Variants in CEP63 observed in about 807,000 individuals in gnomAD.
The protein encoded by CEP63 is centrosomal protein of 63 kDa.
A neutral mutation model predicts 89.1 loss-of-function variants in CEP63; 84 were observed. The ratio of observed to expected loss-of-function variants is 0.94; its 90% CI spans 0.79 to 1.13. The LOEUF (loss-of-function observed/expected upper bound fraction) is 1.13. CEP63 is among the 50% of genes most tolerant of loss of function. The pLI is 0.00. For synonymous variants in CEP63, 267 were observed against 272.5 expected (o/e 0.98, Z 0.20); for missense variants, 838 against 813.3 (o/e 1.03, Z -0.37).
At chr3:134,683,760 G>A in the CEP63 span, among the ~76,000 whole-genome samples, 2 of 151,868 alleles carry the variant, frequency 1.3e-5, no homozygotes, top group African/African-American at 2.4e-5. Context: ...CACCAAAATG[G>A]CCCTAGCTGC....
rs1956920740 is a variant in CEP63, at chr3:134,559,362, C to G, written c.1886C>G (p.Thr629Arg). The change falls in exon 14 of 15, where the codon ACA (threonine) becomes AGA (arginine). Residue 629 changes from threonine (T) to arginine (R), a missense_variant. By Grantham distance (71) the Thr-to-Arg change is moderately conservative (BLOSUM62 -1). Coordinates refer to ENST00000675561, the MANE Select transcript of CEP63 (RefSeq NM_001353108.3). ...KTHSLPSALD[T>R]NEANFSDTMS... Reference sequence around the variant, plus strand: ...CATTCTTTGCCTTCAGCGCTAGATACAAATGAAGCCAATTTTTCTGACACT... The same window carrying G: ...CATTCTTTGCCTTCAGCGCTAGATAGAAATGAAGCCAATTTTTCTGACACT... 1.2e-6 allele frequency: 2 copies of G among 1,614,006 alleles called. No homozygotes were observed.
At chr3:134,546,113 G>T in intron 7 of CEP63, 36 bp from the exon 8 acceptor site, 1 of 1,609,782 alleles carries the variant, frequency 6.2e-7, no homozygotes, top group Non-Finnish European at 8.5e-7. Context: ...GAATTAAAAA[G>T]AAGGAAAATT....
rs199930556 is a variant in CEP63, at chr3:134,557,376, G to GTTTTTTTTTTTTTTTTT, written c.1468-754_1468-738dup. On this transcript the variant is annotated intron_variant, in intron 12 of 14. Coordinates refer to ENST00000675561, the MANE Select transcript of CEP63 (RefSeq NM_001353108.3). ...CTTGACCAGCTTACTTTCATAATTTGTTTTTTTTTTTTTTTTTTTTTTTTT... is the reference window on the plus strand; with the variant it reads ...CTTGACCAGCTTACTTTCATAATTTGTTTTTTTTTTTTTTTTTTTTTTTTTTTTTTTTTTTTTTTTTT... 1.9e-4 allele frequency among the ~76,000 whole-genome samples: 19 copies of GTTTTTTTTTTTTTTTTT among 101,500 alleles called. 4 individuals carry two copies. The highest frequency in any genetic ancestry group is 6.9e-4 in the African/African-American group (14 of 20,318). 66.6% of individuals were successfully genotyped at this position (101,500 alleles called of 152,430 possible).
chr3:134,719,050 C>A, the CEP63 span, among the ~76,000 whole-genome samples: 1 of 152,228 alleles, frequency 6.6e-6, no homozygotes, highest in Non-Finnish European at 1.5e-5. Context: ...AGGCTTTCTT[C>A]ATTCACTAAC....
the CEP63 span, among the ~76,000 whole-genome samples, chr3:134,689,642 C>G: frequency 3.9e-5 from 6 of 152,010 alleles, no homozygotes; most frequent in East Asian, 7.7e-4. Context: ...TTGGTAGAGA[C>G]AGGGTTTTGC....
chr3:134,606,845 G>T, the CEP63 span, among the ~76,000 whole-genome samples: 2 of 150,896 alleles, frequency 1.3e-5, no homozygotes, highest in Admixed American at 1.3e-4. Flanking sequence ...CCCCTCCACG[G>T]CACTCTCCTA....
chr3:134,738,170 A>T, the CEP63 span, among the ~76,000 whole-genome samples: 1 of 152,034 alleles, frequency 6.6e-6, no homozygotes, highest in African/African-American at 2.4e-5. Flanking sequence ...TTCACTTAGA[A>T]TAATAGTCTC....
the CEP63 span, among the ~76,000 whole-genome samples, chr3:134,614,339 G>A: frequency 6.6e-6 from 1 of 152,076 alleles, no homozygotes; most frequent in South Asian, 2.1e-4. Context: ...TTACAGAATT[G>A]ACAACCTCAA....
chr3:134,692,310 C>T, the CEP63 span, among the ~76,000 whole-genome samples: 8 of 151,722 alleles, frequency 5.3e-5, no homozygotes, highest in Admixed American at 1.3e-4. Flanking sequence ...CTTCCTGTGT[C>T]GAAGTGTTCT....
the CEP63 span, among the ~76,000 whole-genome samples, chr3:134,749,604 G>A: frequency 1.2e-4 from 17 of 147,528 alleles, 1 homozygote; most frequent in Admixed American, 4.2e-4. Flanking sequence ...AAGGGTCTGT[G>A]TGTGCAACCG....
At chr3:134,763,689 A>C in the CEP63 span, among the ~76,000 whole-genome samples, 1 of 152,212 alleles carries the variant, frequency 6.6e-6, no homozygotes, top group East Asian at 1.9e-4. Flanking sequence ...CAGGACCATA[A>C]ATTTCCTCCA....
chr3:134,693,671 A>C, the CEP63 span, among the ~76,000 whole-genome samples: 5 of 152,186 alleles, frequency 3.3e-5, no homozygotes, highest in Admixed American at 3.3e-4. Context: ...TCCTCTGTAG[A>C]GAAACTTCTT....
At chr3:134,768,847 C>A in the CEP63 span, among the ~76,000 whole-genome samples, 11 of 152,254 alleles carry the variant, frequency 7.2e-5, 1 homozygote, top group East Asian at 2.1e-3. Context: ...GCCGGGTGGG[C>A]CCAGTGTAAT....
intron 2 of CEP63, among the ~76,000 whole-genome samples, chr3:134,500,796 C>G (rs1311730001): frequency 6.6e-6 from 1 of 152,040 alleles, no homozygotes; most frequent in African/African-American, 2.4e-5. Flanking sequence ...TCAGTTCGCT[C>G]TGTCGGTAGT....
Position 134,564,563 on chromosome 3 carries a change from C to A in CEP63, c.*3028C>A. On this transcript the variant is annotated 3_prime_UTR_variant, in exon 15 of 15. Transcript: ENST00000675561. ...TGCCTAACACATAACAGATCCTAAG[C>A]AAATATTGGGTGGATGAAAATCACT... The A allele has an allele frequency of 6.1e-6, 6 of 985,398 alleles. No individual in the cohort carries two copies. Among genetic ancestry groups the A allele is most frequent in the Non-Finnish European group, 7.2e-6 (6 of 829,910 alleles). 61.0% of individuals were successfully genotyped at this position (985,398 alleles called of 1,614,324 possible). A position where few individuals can be genotyped will look rare whatever the true frequency, so the allele number is the denominator to read the frequency against.
the CEP63 span, among the ~76,000 whole-genome samples, chr3:134,711,180 T>C: frequency 0.88 from 134,209 of 152,268 alleles, 60,551 homozygotes; most frequent in East Asian, 1. Context: ...AATTGACAAC[T>C]AAACAGATTA....
intron 6 of CEP63, among the ~76,000 whole-genome samples, chr3:134,544,859 T>C (rs1290783407): frequency 6.6e-6 from 1 of 152,154 alleles, no homozygotes; most frequent in African/African-American, 2.4e-5. Context: ...TATTTATTTA[T>C]TTATTTGAGA....
the CEP63 span, chr3:134,629,414 T>C: frequency 3.6e-6 from 2 of 555,508 alleles, no homozygotes; most frequent in Non-Finnish European, 6.5e-6. Context: ...CTATGACTAG[T>C]TCCAGAGATG....
Position 134,486,193 on chromosome 3 carries a change from C to T in CEP63, c.-35C>T. 1 of 985,594 alleles carries T rather than the reference C, an allele frequency of 1.0e-6. No individual in the cohort carries two copies. Among genetic ancestry groups the T allele is most frequent in the Non-Finnish European group, 1.2e-6 (1 of 830,034 alleles). 61.1% of individuals were successfully genotyped at this position (985,594 alleles called of 1,614,324 possible). Reference sequence around the variant, plus strand: ...TTAGCGGTGGCGCGCGTGCGCAGCGCCGGCCCGAGGTAACGGCGGGAAGGC... The same window carrying T: ...TTAGCGGTGGCGCGCGTGCGCAGCGTCGGCCCGAGGTAACGGCGGGAAGGC... On this transcript the variant is annotated 5_prime_UTR_variant, in exon 1 of 15. Coordinates refer to ENST00000675561, the MANE Select transcript of CEP63 (RefSeq NM_001353108.3).
Sources: gnomAD v4.1 joint callset for allele counts (sites outside exome capture counted in the v4.1 genomes callset) on GRCh38, gnomAD v4.1.1 for gene constraint, MANE v1.5 for transcripts, NCBI Gene and HGNC (gene_info 2026-07-23, HGNC 2026-07-21) for gene names.